Variants in LRP5 observed in about 807,000 individuals in gnomAD.
LRP5 encodes low-density lipoprotein receptor-related protein 5.
Under a neutral mutation model 154.1 loss-of-function variants are expected in LRP5, and 62 were observed. The ratio of observed to expected loss-of-function variants is 0.40; its 90% CI spans 0.33 to 0.50. The LOEUF (loss-of-function observed/expected upper bound fraction) is 0.50. LRP5 is among the 20% of genes least tolerant of loss of function. LRP5 has a pLI of 0.55. For synonymous variants in LRP5, 966 were observed against 1,011.5 expected (o/e 0.96, Z 0.85); for missense variants, 1,915 against 2,336.7 (o/e 0.82, Z 3.72).
chr11:68,367,905 A>G (rs2098631962), intron 5 of LRP5, among the ~76,000 whole-genome samples: 1 of 152,120 alleles, frequency 6.6e-6, no homozygotes, highest in African/African-American at 2.4e-5. Flanking sequence ...CTCTACTAAA[A>G]ATATAAAAAT....
intron 7 of LRP5, among the ~76,000 whole-genome samples, chr11:68,392,878 A>G (rs7939672): frequency 0.048 from 7,364 of 152,104 alleles, 593 homozygotes; most frequent in African/African-American, 0.16. Context: ...TGTAATCCTA[A>G]CATTCTGGGA....
intron 22 of LRP5, chr11:68,446,941 G>A (rs1364832068): frequency 3.0e-6 from 1 of 332,362 alleles, no homozygotes; most frequent in African/African-American, 2.1e-5. Flanking sequence ...GGACAAGTCT[G>A]TGAAGGCTGC....
intron 7 of LRP5, among the ~76,000 whole-genome samples, chr11:68,400,656 A>G (rs1314764094): frequency 6.6e-6 from 1 of 152,188 alleles, no homozygotes; most frequent in African/African-American, 2.4e-5. Context: ...TGAACCTGGG[A>G]GGCAAAGGTT....
chr11:68,342,152 C>T (rs1467732149), intron 1 of LRP5, among the ~76,000 whole-genome samples: 3 of 151,842 alleles, frequency 2.0e-5, no homozygotes, highest in Non-Finnish European at 2.9e-5. Context: ...TCTTGAACTC[C>T]TGGCCTGAGA....
intron 9 of LRP5, among the ~76,000 whole-genome samples, chr11:68,408,110 C>T (rs1177671301): frequency 6.6e-6 from 1 of 152,110 alleles, no homozygotes; most frequent in Non-Finnish European, 1.5e-5. Flanking sequence ...GGGTTTCCCT[C>T]TGTCACTCAG....
rs2098664932 is a variant in LRP5 at position 68,420,502 on chromosome 11, T to C, written c.3028-2987T>C. Among the ~76,000 whole-genome samples, 2 of 151,932 alleles carry C rather than the reference T, an allele frequency of 1.3e-5. 1 individual carries two copies. The highest frequency in any genetic ancestry group is 4.2e-4 in the South Asian group (2 of 4,818). ...GGCAGATCACTTGAGGTCAGGAGTT[T>C]GAGACCAGCCTGGCCAACATAGTGA... On this transcript the variant is annotated intron_variant, in intron 13 of 22. Coordinates refer to ENST00000294304, the MANE Select transcript of LRP5 (RefSeq NM_002335.4).
At chr11:68,421,839 G>T (rs1252059363) in intron 13 of LRP5, among the ~76,000 whole-genome samples, 1 of 151,892 alleles carries the variant, frequency 6.6e-6, no homozygotes, top group Admixed American at 6.6e-5. Flanking sequence ...TGTGGTGTGT[G>T]TGTGTGTATG....
At chr11:68,318,758 G>C (rs565440845) in intron 1 of LRP5, among the ~76,000 whole-genome samples, 6 of 152,306 alleles carry the variant, frequency 3.9e-5, no homozygotes, top group East Asian at 3.9e-4. Flanking sequence ...CTCCTCTCCT[G>C]AGAAGGTGCC....
chr11:68,322,859 A>G (rs1344874587), intron 1 of LRP5, among the ~76,000 whole-genome samples: 1 of 152,194 alleles, frequency 6.6e-6, no homozygotes, highest in Non-Finnish European at 1.5e-5. Flanking sequence ...GTAAGAGCCC[A>G]TATTTCTGGG....
chr11:68,425,399 C>T lies in LRP5; in HGVS notation c.3427+107C>T, dbSNP rs998582717. 15 of 1,184,984 alleles carry T rather than the reference C, an allele frequency of 1.3e-5. No homozygotes were observed. The African/African-American group carries it at 2.1e-4, about 17-fold the overall frequency. 73.4% of individuals were successfully genotyped at this position (1,184,984 alleles called of 1,614,324 possible). A position where few individuals can be genotyped will look rare whatever the true frequency, so the allele number is the denominator to read the frequency against. On this transcript the variant is annotated intron_variant, in intron 15 of 22. Coordinates refer to ENST00000294304, the MANE Select transcript of LRP5 (RefSeq NM_002335.4). ...ACCTGCCGTGAGCCCAGTGCCGCGCCAGGGGCTTTGTGTGTAGCGTGTTTT... is the reference window on the plus strand; with the variant it reads ...ACCTGCCGTGAGCCCAGTGCCGCGCTAGGGGCTTTGTGTGTAGCGTGTTTT...
At position 68,386,980 on chromosome 11, in the gene LRP5, G is replaced by A. The variant is rs1161627028; in HGVS notation, c.1412+268G>A. On this transcript the variant is annotated intron_variant, in intron 6 of 22. Transcript: ENST00000294304. This position sits in a 1 kb window ranked among gnomAD's most constrained non-coding sequence, Gnocchi z 7.9. ...GTAGAAAGCCCTGGAGACCTGGAGGGAGCCCTTTGTTCCCCTGGCTTCAGT... is the reference window on the plus strand; with the variant it reads ...GTAGAAAGCCCTGGAGACCTGGAGGAAGCCCTTTGTTCCCCTGGCTTCAGT... 6.6e-6 allele frequency among the ~76,000 whole-genome samples: 1 copy of A among 152,206 alleles called. No homozygotes were observed. The highest frequency in any genetic ancestry group is 1.5e-5 in the Non-Finnish European group (1 of 68,040).
At chr11:68,407,209 C>T (rs1268614252) in intron 9 of LRP5, among the ~76,000 whole-genome samples, 1 of 150,290 alleles carries the variant, frequency 6.7e-6, no homozygotes, top group Non-Finnish European at 1.5e-5. Context: ...TACTCTGTTG[C>T]CCAGGCTGGA....
intron 1 of LRP5, among the ~76,000 whole-genome samples, chr11:68,320,112 G>A (rs866513773): frequency 1.3e-5 from 2 of 152,174 alleles, no homozygotes; most frequent in South Asian, 2.1e-4. Context: ...AGTAAGCCAT[G>A]ATCACAGCAC....
rs759961020 is a variant in LRP5, at chr11:68,448,824, A to T, written c.4602A>T (p.Arg1534=). 6.2e-7 allele frequency: 1 copy of T among 1,607,132 alleles called. No individual in the cohort carries two copies. Among genetic ancestry groups the T allele is most frequent in the South Asian group, 1.1e-5 (1 of 91,064 alleles). ...TARPYRPYII[R]GMAPPTTPCS... The stretch of plus-strand genomic sequence containing the variant: ...TCCCTTTCAGGCCCTACATCATTCG[A>T]GGAATGGCGCCCCCGACGACGCCCT... Residue 1534 remains arginine, a synonymous_variant, in exon 23 of 23, where the codon CGA becomes CGT. Transcript: ENST00000294304.
At chr11:68,306,337 T>C in the LRP5 span, among the ~76,000 whole-genome samples, 15 of 152,288 alleles carry the variant, frequency 9.8e-5, no homozygotes, top group Admixed American at 4.6e-4. Flanking sequence ...GATTTCATCA[T>C]GTTGGCCAGG....
In LRP5 at chr11:68,357,770, C is replaced by T; in HGVS notation, c.609C>T (p.Asp203=). ...DIYWPNGLTI[D]LEEQKLYWAD... is the part of the protein sequence containing the mutation. ...ACTGGCCCAATGGACTGACCATCGACCTGGAGGAGCAGAAGCTCTACTGGG... is the reference window on the plus strand; with the variant it reads ...ACTGGCCCAATGGACTGACCATCGATCTGGAGGAGCAGAAGCTCTACTGGG... Residue 203 remains aspartate (D), a synonymous_variant, in exon 3 of 23, where the codon GAC becomes GAT. Coordinates refer to ENST00000294304, the MANE Select transcript of LRP5 (RefSeq NM_002335.4). The T allele has an allele frequency of 6.2e-7, 1 of 1,614,130 alleles. No homozygotes were observed. The highest frequency in any genetic ancestry group is 8.5e-7 in the Non-Finnish European group (1 of 1,179,996).
At chr11:68,419,027 T>G (rs2098664075) in intron 13 of LRP5, among the ~76,000 whole-genome samples, 1 of 152,136 alleles carries the variant, frequency 6.6e-6, no homozygotes, top group South Asian at 2.1e-4. Context: ...GCTTTTCCCC[T>G]CCTGTGTCTT....
rs759675214 is a variant in LRP5 at position 68,347,974 on chromosome 11, C to T, written c.219C>T (p.Ser73=). The T allele has an allele frequency of 1.4e-5, 23 of 1,614,044 alleles. 1 individual carries two copies. Among genetic ancestry groups the T allele is most frequent in the Non-Finnish European group, 1.9e-5 (22 of 1,180,046 alleles). The change falls in exon 2 of 23, where the codon TCC becomes TCT. Residue 73 remains serine (S), a synonymous_variant. Transcript: ENST00000294304. ...EDAAAVDFQF[S]KGAVYWTDVS... ...CGGCCGCAGTGGACTTCCAGTTTTC[C>T]AAGGGAGCCGTGTACTGGACAGACG...
intron 18 of LRP5, 125 bp downstream of exon 18, chr11:68,433,963 C>T: frequency 1.1e-6 from 1 of 924,798 alleles, no homozygotes. Flanking sequence ...GGGAGATTGC[C>T]AAGTCTGTCT....
Sources: allele counts gnomAD v4.1 joint callset (sites outside exome capture counted in the v4.1 genomes callset), GRCh38; gene constraint gnomAD v4.1.1; non-coding constraint Gnocchi (gnomAD v3.1); transcripts MANE v1.5; gene names NCBI Gene and HGNC (gene_info 2026-07-23, HGNC 2026-07-21).